Variants in GRID1 observed in about 807,000 individuals in gnomAD.
GRID1 encodes glutamate ionotropic receptor delta type subunit 1, also known as glutamate receptor ionotropic, delta-1.
GRID1 carries 28 observed loss-of-function variants against 98.0 expected under a neutral mutation model. That is an observed-to-expected ratio of 0.29 (90% CI 0.21 to 0.39). GRID1 has a LOEUF of 0.39. Ranked by LOEUF, GRID1 falls within the 10% of genes least tolerant of loss-of-function variation. GRID1 has a pLI of 1.00. For synonymous variants in GRID1, 553 were observed against 538.5 expected (o/e 1.03, Z -0.37); for missense variants, 1,111 against 1,340.5 (o/e 0.83, Z 2.67).
At chr10:85,982,408 T>C (rs1002355290) in intron 4 of GRID1, among the ~76,000 whole-genome samples, 1 of 152,030 alleles carries the variant, frequency 6.6e-6, no homozygotes, top group Non-Finnish European at 1.5e-5. Context: ...GACTTATACT[T>C]AAGAGGATTA....
intron 2 of GRID1, among the ~76,000 whole-genome samples, chr10:86,209,924 C>T (rs540362495): frequency 6.6e-6 from 1 of 152,310 alleles, no homozygotes; most frequent in African/African-American, 2.4e-5. Flanking sequence ...GGCATGCATG[C>T]CACTGGCTCC....
chr10:86,295,944 C>G (rs7478603), intron 2 of GRID1, among the ~76,000 whole-genome samples: 3 of 152,218 alleles, frequency 2.0e-5, no homozygotes, highest in Admixed American at 2.0e-4. Context: ...TCCATCCCCC[C>G]TACAGACAGT....
chr10:85,742,334 A>C (rs1390774623), intron 8 of GRID1, among the ~76,000 whole-genome samples: 1 of 152,190 alleles, frequency 6.6e-6, no homozygotes, highest in African/African-American at 2.4e-5. Context: ...CCACACATTG[A>C]GTAGTGGAGT....
chr10:86,273,991 C>T (rs953651199), intron 2 of GRID1, among the ~76,000 whole-genome samples: 1 of 152,116 alleles, frequency 6.6e-6, no homozygotes, highest in Non-Finnish European at 1.5e-5. Context: ...CTTGCCCATG[C>T]CTATGTCCTG....
chr10:85,685,107 G>T (rs1199591664), intron 12 of GRID1, among the ~76,000 whole-genome samples: 1 of 152,116 alleles, frequency 6.6e-6, no homozygotes, highest in Non-Finnish European at 1.5e-5. Context: ...TCATTAAAAG[G>T]GGGATAAAAT....
chr10:86,049,453 T>G (rs1429633479), intron 4 of GRID1, among the ~76,000 whole-genome samples: 1 of 152,226 alleles, frequency 6.6e-6, no homozygotes, highest in Non-Finnish European at 1.5e-5. Context: ...ATGCGGCTAC[T>G]ATATGGCCCA....
chr10:86,024,632 G>T (rs1461623739), intron 4 of GRID1, among the ~76,000 whole-genome samples: 1 of 152,202 alleles, frequency 6.6e-6, no homozygotes, highest in East Asian at 1.9e-4. Flanking sequence ...CCAAAAGTTA[G>T]TTTCCCTTGT....
intron 4 of GRID1, among the ~76,000 whole-genome samples, chr10:86,085,798 C>T (rs1348720982): frequency 6.6e-6 from 1 of 152,086 alleles, no homozygotes; most frequent in Non-Finnish European, 1.5e-5. Context: ...CAGCCCGTGG[C>T]ATCAAACCAG....
intron 8 of GRID1, among the ~76,000 whole-genome samples, chr10:85,817,252 G>A (rs1056465138): frequency 2.0e-5 from 3 of 152,144 alleles, no homozygotes; most frequent in African/African-American, 7.2e-5. Flanking sequence ...TGGTAATTCT[G>A]TTTTAAGTTC....
intron 4 of GRID1, among the ~76,000 whole-genome samples, chr10:86,050,472 G>A (rs1843485804): frequency 6.6e-6 from 1 of 152,270 alleles, no homozygotes; most frequent in Non-Finnish European, 1.5e-5. Flanking sequence ...TCCACTTCTG[G>A]TAAGCAAAAA....
intron 4 of GRID1, among the ~76,000 whole-genome samples, chr10:86,027,201 AT>A (rs1843127329): frequency 6.6e-6 from 1 of 152,182 alleles, no homozygotes; most frequent in South Asian, 2.1e-4. Context: ...GTTCTGGAAT[AT>A]TTTTATCACC....
intron 2 of GRID1, among the ~76,000 whole-genome samples, chr10:86,298,772 A>C (rs1156651630): frequency 6.6e-6 from 1 of 152,116 alleles, no homozygotes; most frequent in Non-Finnish European, 1.5e-5. Flanking sequence ...CCCTGCTCCC[A>C]GCCTGGGGTT....
chr10:85,977,049 C>A (rs1055103615), intron 4 of GRID1, among the ~76,000 whole-genome samples: 1 of 152,188 alleles, frequency 6.6e-6, no homozygotes, highest in Non-Finnish European at 1.5e-5. Context: ...AGAGGTGAAG[C>A]CCATGAAACC....
intron 8 of GRID1, among the ~76,000 whole-genome samples, chr10:85,814,645 C>G (rs1328841471): frequency 6.6e-6 from 1 of 151,692 alleles, no homozygotes; most frequent in Non-Finnish European, 1.5e-5. Context: ...AACGGAATAC[C>G]ATTAATAATT....
rs374035221 is a variant in GRID1, at chr10:86,051,308, C to CAAA, written c.726+87508_726+87510dup. On this transcript the variant is annotated intron_variant, in intron 4 of 15. Transcript: ENST00000327946. ...AAACGGGATTTAGATAATTATATAC[C>CAAA]AAAAAAAAAAAAAAACCTTTAACAG... Among the ~76,000 whole-genome samples, 290 of 104,400 alleles carry CAAA rather than the reference C, an allele frequency of 2.8e-3. 1 individual carries two copies. The highest frequency in any genetic ancestry group is 4.9e-3 in the Non-Finnish European group (238 of 48,118). The allele number at this position is 104,400 out of a possible 152,430, so 68.5% of individuals were successfully genotyped here.
At chr10:86,057,334 G>A (rs1161114752) in intron 4 of GRID1, among the ~76,000 whole-genome samples, 2 of 152,210 alleles carry the variant, frequency 1.3e-5, no homozygotes, top group African/African-American at 4.8e-5. Context: ...TGCCTTCTGT[G>A]GTACCACATA....
At chr10:85,632,700 C>CACCGGG (rs1367148450) in intron 13 of GRID1, among the ~76,000 whole-genome samples, 1 of 152,100 alleles carries the variant, frequency 6.6e-6, no homozygotes, top group African/African-American at 2.4e-5. Flanking sequence ...TGTGCCACCA[C>CACCGGG]ACCGGGCTAA....
At chr10:85,799,773 G>T (rs530357105) in intron 8 of GRID1, among the ~76,000 whole-genome samples, 1 of 152,016 alleles carries the variant, frequency 6.6e-6, no homozygotes, top group Non-Finnish European at 1.5e-5. Context: ...AGTTAAAGAG[G>T]AGTAATGACT....
At chr10:85,949,562 G>A (rs1021654188) in intron 4 of GRID1, among the ~76,000 whole-genome samples, 1 of 152,064 alleles carries the variant, frequency 6.6e-6, no homozygotes, top group Non-Finnish European at 1.5e-5. Context: ...AGTGTTTCCA[G>A]GTTTTTGCTA....
Sources: gnomAD v4.1 joint callset for allele counts (sites outside exome capture counted in the v4.1 genomes callset) on GRCh38, gnomAD v4.1.1 for gene constraint, MANE v1.5 for transcripts, NCBI Gene and HGNC (gene_info 2026-07-23, HGNC 2026-07-21) for gene names.